ARFIP1: variants seen among roughly 807,000 people sequenced by gnomAD.
ARFIP1 encodes arfaptin-1.
ARFIP1 carries 24 observed loss-of-function variants against 42.5 expected under a neutral mutation model. The observed-to-expected ratio is 0.57, with a 90% CI of 0.41 to 0.80. The LOEUF is 0.80. Ranked by LOEUF, ARFIP1 falls within the 30% of genes least tolerant of loss-of-function variation. The probability of loss-of-function intolerance (pLI) is 0.00; values close to 1 mark genes in which losing one functional copy is unlikely to be tolerated. For missense variants in ARFIP1, 354 were observed against 434.0 expected, an observed-to-expected ratio of 0.82 and a Z score of 1.64; for synonymous variants, 141 against 153.7, an observed-to-expected ratio of 0.92 and a Z score of 0.61.
intron 7 of ARFIP1, among the ~76,000 whole-genome samples, chr4:152,885,404 CCAA>C (rs1398195851): frequency 1.3e-5 from 2 of 152,000 alleles, no homozygotes; most frequent in Non-Finnish European, 2.9e-5. Context: ...CACAGCAGCA[CCAA>C]CAAGGGAGTC....
At position 152,835,972 on chromosome 4, in the gene ARFIP1, G is replaced by A. The variant is rs555522317; in HGVS notation, c.93+6246G>A. ...AAACAACCAGATCTCATGTGGACTGGGTGAGAACTCATCACCAAGGGGATG... is the reference window on the plus strand; with the variant it reads ...AAACAACCAGATCTCATGTGGACTGAGTGAGAACTCATCACCAAGGGGATG... On this transcript the variant is annotated intron_variant, in intron 2 of 8. Transcript: ENST00000353617. Among the ~76,000 whole-genome samples, 4 of 152,150 alleles carry A rather than the reference G, an allele frequency of 2.6e-5. No homozygotes were observed. In the South Asian group the frequency reaches 8.3e-4, roughly 32 times the overall value.
At chr4:152,877,507 C>T (rs894312076) in intron 5 of ARFIP1, among the ~76,000 whole-genome samples, 15 of 152,110 alleles carry the variant, frequency 9.9e-5, no homozygotes, top group Non-Finnish European at 1.5e-4. Flanking sequence ...CAGACTCACA[C>T]GCATCTCAGA....
intron 6 of ARFIP1, among the ~76,000 whole-genome samples, chr4:152,882,252 A>C (rs148729999): frequency 3.9e-5 from 6 of 152,300 alleles, no homozygotes; most frequent in Non-Finnish European, 8.8e-5. Context: ...TTACAAAGAA[A>C]TATGTATTGT....
intron 5 of ARFIP1, among the ~76,000 whole-genome samples, chr4:152,875,650 CT>C (rs1735269299): frequency 1.3e-5 from 2 of 151,404 alleles, no homozygotes; most frequent in African/African-American, 4.9e-5. Flanking sequence ...CTTAATAATC[CT>C]TGTTGTATCT....
At chr4:152,823,805 GAATT>G (rs1730589599) in intron 1 of ARFIP1, among the ~76,000 whole-genome samples, 1 of 72,306 alleles carries the variant, frequency 1.4e-5, no homozygotes, top group Non-Finnish European at 2.9e-5. Context: ...AAAAAAAAAA[GAATT>G]GGTACCAATT....
chr4:152,866,081 A>G (rs1734306631), intron 3 of ARFIP1, among the ~76,000 whole-genome samples: 1 of 152,018 alleles, frequency 6.6e-6, no homozygotes, highest in South Asian at 2.1e-4. Context: ...CTTAACGAGC[A>G]TGTTGCCTTC....
At chr4:152,895,084 T>C (rs1737196328) in intron 8 of ARFIP1, among the ~76,000 whole-genome samples, 1 of 152,198 alleles carries the variant, frequency 6.6e-6, no homozygotes, top group African/African-American at 2.4e-5. Context: ...TGATAGGCCA[T>C]ATTAGGGAAA....
chr4:152,820,703 C>G (rs1028237028), intron 1 of ARFIP1, among the ~76,000 whole-genome samples: 1 of 152,174 alleles, frequency 6.6e-6, no homozygotes, highest in Admixed American at 6.5e-5. Context: ...AAATCTGCCC[C>G]CATGATCCAA....
At chr4:152,784,384 A>G (rs1355724820) in intron 1 of ARFIP1, among the ~76,000 whole-genome samples, 1 of 152,054 alleles carries the variant, frequency 6.6e-6, no homozygotes, top group Non-Finnish European at 1.5e-5. Context: ...CTTTATTCCT[A>G]TTCTCCTCTT....
chr4:152,909,720 T>G (rs974337523), intron 8 of ARFIP1, among the ~76,000 whole-genome samples: 1 of 152,224 alleles, frequency 6.6e-6, no homozygotes, highest in Admixed American at 6.5e-5. Flanking sequence ...TATATATAAT[T>G]TTCCCTTTTT....
intron 8 of ARFIP1, among the ~76,000 whole-genome samples, chr4:152,906,256 T>C (rs76245706): frequency 0.016 from 2,410 of 152,308 alleles, 59 homozygotes; most frequent in African/African-American, 0.055. Context: ...ATCTGTATAT[T>C]AATGACTCCC....
intron 2 of ARFIP1, among the ~76,000 whole-genome samples, chr4:152,860,252 G>C (rs1733779498): frequency 6.6e-6 from 1 of 152,064 alleles, no homozygotes; most frequent in Non-Finnish European, 1.5e-5. Context: ...TATTTGCCTG[G>C]GGTTATGCAG....
intron 1 of ARFIP1, among the ~76,000 whole-genome samples, chr4:152,828,545 C>A (rs999280184): frequency 6.6e-6 from 1 of 152,174 alleles, no homozygotes; most frequent in Admixed American, 6.5e-5. Flanking sequence ...AACATCTGTT[C>A]TGATCTTTTG....
At chr4:152,785,530 T>G (rs560935163) in intron 1 of ARFIP1, among the ~76,000 whole-genome samples, 118 of 152,348 alleles carry the variant, frequency 7.7e-4, no homozygotes, top group Admixed American at 1.5e-3. Context: ...CTTGAACTCC[T>G]GGGCTCAAGC....
chr4:152,818,142 T>C (rs1199289229), intron 1 of ARFIP1, among the ~76,000 whole-genome samples: 8 of 152,274 alleles, frequency 5.3e-5, no homozygotes, highest in South Asian at 2.1e-4. Context: ...AACAAAATAG[T>C]GTGTAGAAAT....
At position 152,880,983 on chromosome 4, in the gene ARFIP1, T is replaced by C. The variant is rs140439590; in HGVS notation, c.432T>C (p.Ser144=). 14 of 1,613,318 alleles carry C rather than the reference T, an allele frequency of 8.7e-6. No individual in the cohort carries two copies. In the African/African-American group the frequency reaches 1.6e-4, roughly 18 times the overall value. ...NTYKCTRQII[S]EKLGRGSRTV... is the part of the protein sequence containing the mutation. ...TTTAGTGTACTCGACAGATTATCTC[T>C]GAGAAGCTAGGCCGTGGCTCAAGAA... Residue 144 remains serine, a synonymous_variant, in exon 6 of 9, where the codon TCT becomes TCC. Transcript: ENST00000353617.
chr4:152,826,942 A>G lies in ARFIP1; in HGVS notation c.-9-2683A>G, dbSNP rs58310333. Among the ~76,000 whole-genome samples, 675 of 152,338 alleles carry G rather than the reference A, an allele frequency of 4.4e-3. 4 individuals are homozygous for G. Among genetic ancestry groups the G allele is most frequent in the African/African-American group, 0.015 (633 of 41,580 alleles). On this transcript the variant is annotated intron_variant, in intron 1 of 8. Transcript: ENST00000353617. ...AATAGCCAATCACGAAAAGATAAAT[A>G]CTGTACAATTCCACTTACCTAGAGT...
chr4:152,838,085 G>GT (rs1242631951), intron 2 of ARFIP1, among the ~76,000 whole-genome samples: 1 of 152,152 alleles, frequency 6.6e-6, no homozygotes. Flanking sequence ...TCAGTTGGCT[G>GT]TAAGTATTTA....
intron 1 of ARFIP1, among the ~76,000 whole-genome samples, chr4:152,810,665 T>A (rs868518467): frequency 2.0e-5 from 3 of 148,604 alleles, no homozygotes; most frequent in Admixed American, 6.7e-5. Context: ...AAAAAAAAAA[T>A]ATTAGCTGGG....
Sources: gnomAD v4.1 joint callset for allele counts (sites outside exome capture counted in the v4.1 genomes callset) on GRCh38, gnomAD v4.1.1 for gene constraint, MANE v1.5 for transcripts, NCBI Gene and HGNC (gene_info 2026-07-23, HGNC 2026-07-21) for gene names.